Variants in MAGI3 observed in about 807,000 individuals in gnomAD.
The protein encoded by MAGI3 is membrane-associated guanylate kinase, WW and PDZ domain-containing protein 3.
Under a neutral mutation model 121.8 loss-of-function variants are expected in MAGI3, and 43 were observed. The observed-to-expected ratio is 0.35, with a 90% CI of 0.28 to 0.46. The LOEUF (loss-of-function observed/expected upper bound fraction) is 0.46. Ranked by LOEUF, MAGI3 falls within the 20% of genes least tolerant of loss-of-function variation. The probability of loss-of-function intolerance (pLI) is 1.00; values close to 1 mark genes in which losing one functional copy is unlikely to be tolerated. For synonymous variants in MAGI3, 553 were observed against 639.3 expected (o/e 0.86, Z 2.04); for missense variants, 1,547 against 1,797.3 (o/e 0.86, Z 2.52).
intron 7 of MAGI3, among the ~76,000 whole-genome samples, chr1:113,619,032 T>C (rs1650659564): frequency 6.6e-6 from 1 of 152,256 alleles, no homozygotes; most frequent in African/African-American, 2.4e-5. Flanking sequence ...TGTTGAATAG[T>C]TTGGCTAATC....
chr1:113,569,019 C>A (rs2101700116), intron 2 of MAGI3, among the ~76,000 whole-genome samples: 1 of 152,232 alleles, frequency 6.6e-6, no homozygotes, highest in Non-Finnish European at 1.5e-5. Context: ...AAGATACTCT[C>A]TGTTCCTCTA....
intron 1 of MAGI3, among the ~76,000 whole-genome samples, chr1:113,420,714 G>A (rs369127733): frequency 3.1e-4 from 47 of 152,284 alleles, no homozygotes; most frequent in African/African-American, 1.1e-3. Flanking sequence ...CCGTTCATCT[G>A]TGTTGAATAT....
chr1:113,632,343 T>C (rs1022137313), intron 9 of MAGI3, among the ~76,000 whole-genome samples: 10 of 152,338 alleles, frequency 6.6e-5, no homozygotes, highest in African/African-American at 2.4e-4. Context: ...TGTAGTTTCA[T>C]ATTTGCCTAA....
At chr1:113,497,387 A>C (rs28637898) in intron 1 of MAGI3, among the ~76,000 whole-genome samples, 1 of 110,670 alleles carries the variant, frequency 9.0e-6, no homozygotes, top group Non-Finnish European at 1.9e-5. Flanking sequence ...AGGGCGAGGC[A>C]TTGCCTCACC....
At chr1:113,679,399 C>T (rs936822848) in intron 19 of MAGI3, among the ~76,000 whole-genome samples, 15 of 152,110 alleles carry the variant, frequency 9.9e-5, no homozygotes, top group African/African-American at 3.4e-4. Context: ...TAATGATGGC[C>T]TCCAGCTCCA....
At chr1:113,605,617 C>T (rs1051169831) in intron 6 of MAGI3, among the ~76,000 whole-genome samples, 3 of 151,788 alleles carry the variant, frequency 2.0e-5, no homozygotes, top group Admixed American at 6.6e-5. Flanking sequence ...TTTTTTTCCC[C>T]GAGACGGAGT....
intron 1 of MAGI3, among the ~76,000 whole-genome samples, chr1:113,484,493 T>TA (rs756382482): frequency 2.0e-5 from 3 of 152,162 alleles, no homozygotes; most frequent in Non-Finnish European, 4.4e-5. Context: ...AGTGAGAACA[T>TA]ACGATGTTTC....
At chr1:113,521,790 TTATCATAATTTCC>T (rs1344578424) in intron 1 of MAGI3, among the ~76,000 whole-genome samples, 1 of 152,196 alleles carries the variant, frequency 6.6e-6, no homozygotes, top group Non-Finnish European at 1.5e-5. Flanking sequence ...AAGAAATCAA[TTATCATAATTTCC>T]TGTTTCCCCC....
intron 2 of MAGI3, among the ~76,000 whole-genome samples, chr1:113,560,477 A>G (rs1043806000): frequency 2.0e-4 from 31 of 152,272 alleles, no homozygotes; most frequent in African/African-American, 7.2e-4. Flanking sequence ...TTAAAACCAT[A>G]CAACTACATG....
At chr1:113,619,607 C>T (rs1650695375) in intron 7 of MAGI3, 129 bp from the exon 8 acceptor site, 9 of 618,416 alleles carry the variant, frequency 1.5e-5, no homozygotes, top group Non-Finnish European at 2.5e-5. Flanking sequence ...ATCAGTCTCT[C>T]CATGTTCCAT....
At position 113,391,068 on chromosome 1, in the gene MAGI3, T is replaced by C; in HGVS notation, c.35T>C (p.Leu12Pro). ...SKTLKKKKHWLSKVQECAVSW... is the reference protein window; with the variant it reads ...SKTLKKKKHWPSKVQECAVSW... ...ACGCTGAAGAAGAAGAAGCACTGGC[T>C]CAGCAAGGTGCAGGAGTGCGCCGTG... Residue 12 changes from leucine to proline, a missense_variant, in exon 1 of 21, where the codon CTC (leucine) becomes CCC (proline). By Grantham distance (98) the Leu-to-Pro change is moderately conservative. Transcript: ENST00000307546. The surrounding 1 kb of genome is among the most constrained non-coding windows in gnomAD (Gnocchi z 4.4). The C allele has an allele frequency of 6.3e-7, 1 of 1,591,812 alleles. No individual in the cohort carries two copies. The highest frequency in any genetic ancestry group is 8.5e-7 in the Non-Finnish European group (1 of 1,170,172).
At chr1:113,464,296 C>T (rs1655170084) in intron 1 of MAGI3, among the ~76,000 whole-genome samples, 1 of 152,050 alleles carries the variant, frequency 6.6e-6, no homozygotes. Context: ...AATTACCTCC[C>T]GTTTCATCCA....
At chr1:113,591,149 A>G (rs905334477) in intron 5 of MAGI3, among the ~76,000 whole-genome samples, 2 of 152,120 alleles carry the variant, frequency 1.3e-5, no homozygotes, top group African/African-American at 4.8e-5. Flanking sequence ...GTACAAATTT[A>G]AGTTCACAAA....
intron 11 of MAGI3, among the ~76,000 whole-genome samples, chr1:113,644,288 A>T (rs1013736458): frequency 8.6e-5 from 13 of 151,562 alleles, no homozygotes; most frequent in Admixed American, 8.6e-4. Flanking sequence ...TTATTTATTT[A>T]TTTATTTTTT....
At chr1:113,470,129 ATTTATC>A in intron 1 of MAGI3, among the ~76,000 whole-genome samples, 1 of 152,220 alleles carries the variant, frequency 6.6e-6, no homozygotes, top group East Asian at 1.9e-4. Context: ...AGAAAAATGA[ATTTATC>A]TGTAGGCATT....
rs1016015562 is a variant in MAGI3 at position 113,649,409 on chromosome 1, A to G, written c.2247+81A>G. 5 of 944,432 alleles carry G rather than the reference A, an allele frequency of 5.3e-6. No homozygotes were observed. The South Asian group carries it at 7.6e-5, about 14-fold the overall frequency. The allele number at this position is 944,432 out of a possible 1,614,324, so 58.5% of individuals were successfully genotyped here. A position where few individuals can be genotyped will look rare whatever the true frequency, so the allele number is the denominator to read the frequency against. ...GATTTGGTGGATTATGGTGTGTTTT[A>G]AGTTTTTTTTTCTCTGACAGTTTCA... On this transcript the variant is annotated intron_variant, in intron 13 of 20. Transcript: ENST00000307546.
intron 1 of MAGI3, among the ~76,000 whole-genome samples, chr1:113,440,684 C>A (rs918711656): frequency 1.3e-5 from 2 of 152,072 alleles, no homozygotes; most frequent in Admixed American, 1.3e-4. Context: ...ACATTGCTCC[C>A]TCATATAAAG....
intron 6 of MAGI3, among the ~76,000 whole-genome samples, chr1:113,613,602 T>C (rs886924491): frequency 2.0e-5 from 3 of 152,158 alleles, no homozygotes; most frequent in African/African-American, 7.2e-5. Flanking sequence ...AGCGTACTTT[T>C]TGTGTGTGTG....
At chr1:113,425,288 T>C (rs1196896273) in intron 1 of MAGI3, among the ~76,000 whole-genome samples, 1 of 130,248 alleles carries the variant, frequency 7.7e-6, no homozygotes. Flanking sequence ...TTTTTTTTTT[T>C]TTTTTTTTTT....
Sources: allele counts gnomAD v4.1 joint callset (sites outside exome capture counted in the v4.1 genomes callset), GRCh38; gene constraint gnomAD v4.1.1; non-coding constraint Gnocchi (gnomAD v3.1); transcripts MANE v1.5; gene names NCBI Gene and HGNC (gene_info 2026-07-23, HGNC 2026-07-21).